The following COL11A1 variants were observed in gnomAD, a reference collection of about 807,000 sequenced individuals.
COL11A1 encodes collagen type XI alpha 1 chain, also known as collagen alpha-1(XI) chain.
A neutral mutation model predicts 265.2 loss-of-function variants in COL11A1; 74 were observed. The ratio of observed to expected loss-of-function variants is 0.28; its 90% confidence interval spans 0.23 to 0.34. The LOEUF (loss-of-function observed/expected upper bound fraction) is 0.34, where lower values mean the gene tolerates loss of function less well. Ranked by LOEUF, COL11A1 falls within the 10% of genes least tolerant of loss-of-function variation. The pLI, the probability that COL11A1 is intolerant of heterozygous loss-of-function variation, is 1.00. For missense variants in COL11A1, 2,165 were observed against 2,263.6 expected (o/e 0.96, Z 0.88); for synonymous variants, 816 against 727.6 (o/e 1.12, Z -1.96).
Position 102,990,625 on chromosome 1 carries a change from GA to G in COL11A1, c.2341-1055del, listed in dbSNP as rs202150545. On this transcript the variant is annotated intron_variant, in intron 28 of 66. Transcript: ENST00000370096. ...CAACCTTATTATCTCTTAAGTTCAA[GA>G]AAAAAAAATTAAATTACTAAGAAAT... is the stretch of plus-strand genomic sequence containing the variant. Among the ~76,000 whole-genome samples the G allele has an allele frequency of 6.2e-4, 94 of 150,892 alleles. No homozygotes were observed. The East Asian group carries it at 8.0e-3, about 13-fold the overall frequency.
chr1:102,889,410 T>TGTGTGTGTGTGTGC (rs71094579), intron 59 of COL11A1, 45 bp downstream of exon 59: 2 of 1,195,210 alleles, frequency 1.7e-6, no homozygotes, highest in Non-Finnish European at 2.5e-6. Flanking sequence ...TGTGTGTGTG[T>TGTGTGTGTGTGTGC]ATTATTGGAA....
At chr1:102,944,830 T>C (rs1045041389) in intron 42 of COL11A1, among the ~76,000 whole-genome samples, 2 of 152,208 alleles carry the variant, frequency 1.3e-5, no homozygotes, top group African/African-American at 4.8e-5. Flanking sequence ...GTATGCATTA[T>C]TTAGTGTATT....
At chr1:103,041,264 A>G (rs1014819974) in intron 4 of COL11A1, among the ~76,000 whole-genome samples, 2 of 151,872 alleles carry the variant, frequency 1.3e-5, no homozygotes, top group African/African-American at 4.8e-5. Flanking sequence ...GAAATTATAG[A>G]CTATTTTCAC....
intron 1 of COL11A1, among the ~76,000 whole-genome samples, chr1:103,086,573 C>T (rs964328093): frequency 3.2e-4 from 48 of 152,242 alleles, no homozygotes; most frequent in Non-Finnish European, 6.2e-4. Flanking sequence ...CCCGCCACCA[C>T]GCCCGGCTAA....
chr1:102,955,045 A>G (rs1660239474), intron 41 of COL11A1, among the ~76,000 whole-genome samples: 1 of 152,118 alleles, frequency 6.6e-6, no homozygotes, highest in African/African-American at 2.4e-5. Context: ...CCCCATCACT[A>G]TTGCTACATT....
At chr1:103,087,729 C>T (rs1672990005) in intron 1 of COL11A1, among the ~76,000 whole-genome samples, 1 of 152,194 alleles carries the variant, frequency 6.6e-6, no homozygotes, top group Non-Finnish European at 1.5e-5. Flanking sequence ...GCATCTTCTG[C>T]AGAAAACATT....
chr1:102,949,493 A>T (rs112020688), intron 41 of COL11A1, among the ~76,000 whole-genome samples: 4,379 of 150,470 alleles, frequency 0.029, 299 homozygotes, highest in African/African-American at 0.1. Flanking sequence ...GGCTATGGCG[A>T]AGTTGATGGG....
chr1:103,095,427 A>G (rs1468789033), intron 1 of COL11A1, among the ~76,000 whole-genome samples: 1 of 152,042 alleles, frequency 6.6e-6, no homozygotes, highest in Non-Finnish European at 1.5e-5. Flanking sequence ...AATATCAAAT[A>G]AAAAGAACAG....
chr1:103,034,047 A>T (rs1668179287), intron 4 of COL11A1, among the ~76,000 whole-genome samples: 1 of 152,076 alleles, frequency 6.6e-6, no homozygotes, highest in South Asian at 2.1e-4. Context: ...TGCCCTCCAC[A>T]GTATATGGTA....
intron 46 of COL11A1, among the ~76,000 whole-genome samples, chr1:102,929,850 G>A (rs2101142501): frequency 6.6e-6 from 1 of 152,248 alleles, no homozygotes; most frequent in South Asian, 2.1e-4. Flanking sequence ...TCTCTTTGAA[G>A]CAATTGTGAA....
intron 4 of COL11A1, among the ~76,000 whole-genome samples, chr1:103,070,436 C>T (rs754459632): frequency 4.0e-5 from 6 of 151,012 alleles, no homozygotes; most frequent in Non-Finnish European, 7.4e-5. Context: ...GGAAAAAAAA[C>T]GAGTTAAAAC....
intron 41 of COL11A1, among the ~76,000 whole-genome samples, chr1:102,951,073 TC>T (rs1465827270): frequency 2.0e-5 from 3 of 152,186 alleles, no homozygotes; most frequent in Non-Finnish European, 4.4e-5. Context: ...TAAACCTCTT[TC>T]CTTTATAAAT....
At chr1:102,955,102 T>C (rs1660243584) in intron 41 of COL11A1, among the ~76,000 whole-genome samples, 1 of 152,300 alleles carries the variant, frequency 6.6e-6, no homozygotes, top group Non-Finnish European at 1.5e-5. Context: ...AAGGTCTACC[T>C]GGGTCACAAT....
At chr1:103,062,744 T>C (rs1323462181) in intron 4 of COL11A1, among the ~76,000 whole-genome samples, 3 of 151,984 alleles carry the variant, frequency 2.0e-5, no homozygotes. Context: ...CTGGGAGTCC[T>C]AGTTGATGCA....
intron 38 of COL11A1, among the ~76,000 whole-genome samples, chr1:102,963,684 C>G (rs1661133032): frequency 6.6e-6 from 1 of 151,706 alleles, no homozygotes. Flanking sequence ...TACACCTGTC[C>G]CAATTTGGGT....
chr1:102,932,392 C>A (rs991767018), intron 46 of COL11A1, among the ~76,000 whole-genome samples: 3 of 152,180 alleles, frequency 2.0e-5, no homozygotes, highest in Admixed American at 2.0e-4. Flanking sequence ...GTTGAAAATT[C>A]TTTTCTTTAA....
intron 54 of COL11A1, among the ~76,000 whole-genome samples, chr1:102,899,450 C>A (rs1385158015): frequency 6.6e-6 from 1 of 151,942 alleles, no homozygotes; most frequent in Non-Finnish European, 1.5e-5. Context: ...GATCACATAA[C>A]AACTAAAGAA....
intron 14 of COL11A1, among the ~76,000 whole-genome samples, chr1:103,010,504 G>C (rs185662730): frequency 6.6e-6 from 1 of 151,906 alleles, no homozygotes; most frequent in Non-Finnish European, 1.5e-5. Flanking sequence ...TTTTCTCTTT[G>C]CCAACAGTCT....
chr1:103,071,443 G>A (rs1451002005), intron 4 of COL11A1, among the ~76,000 whole-genome samples: 1 of 144,730 alleles, frequency 6.9e-6, no homozygotes, highest in Non-Finnish European at 1.5e-5. Context: ...AAAAAATCAA[G>A]GCTGTTGATT....
Sources: gnomAD v4.1 joint callset for allele counts (sites outside exome capture counted in the v4.1 genomes callset) on GRCh38, gnomAD v4.1.1 for gene constraint, MANE v1.5 for transcripts, NCBI Gene and HGNC (gene_info 2026-07-23, HGNC 2026-07-21) for gene names.